ACTR3C: variants seen among roughly 807,000 people sequenced by gnomAD.
ACTR3C encodes the protein actin-related protein 3C.
A neutral mutation model predicts 26.3 loss-of-function variants in ACTR3C; 18 were observed. The observed-to-expected ratio is 0.68, with a 90% CI of 0.47 to 1.01. ACTR3C has a LOEUF of 1.01. ACTR3C is among the 50% of genes least tolerant of loss of function. ACTR3C has a pLI of 0.00. For synonymous variants in ACTR3C, 55 were observed against 94.5 expected (o/e 0.58, Z 2.42); for missense variants, 184 against 250.7 (o/e 0.73, Z 1.80).
At chr7:150,048,704 A>T in the ACTR3C span, among the ~76,000 whole-genome samples, 1 of 152,154 alleles carries the variant, frequency 6.6e-6, no homozygotes, top group Admixed American at 6.5e-5. Flanking sequence ...TTCTTGCCTA[A>T]CTTGAAGCAA....
chr7:150,223,790 T>C, the ACTR3C span, among the ~76,000 whole-genome samples: 2 of 152,248 alleles, frequency 1.3e-5, no homozygotes, highest in Non-Finnish European at 2.9e-5. Context: ...TCTGAGGATC[T>C]TGAATCCAGG....
At chr7:150,195,789 G>C in the ACTR3C span, among the ~76,000 whole-genome samples, 3 of 152,214 alleles carry the variant, frequency 2.0e-5, no homozygotes, top group Non-Finnish European at 2.9e-5. Flanking sequence ...TGAGGCAGGA[G>C]AATCACTTGA....
the ACTR3C span, among the ~76,000 whole-genome samples, chr7:150,171,828 CTTTT>C: frequency 6.7e-6 from 1 of 150,292 alleles, no homozygotes; most frequent in Admixed American, 6.6e-5. Context: ...TTCTTTCTTT[CTTTT>C]GAGATAGTCT....
the ACTR3C span, among the ~76,000 whole-genome samples, chr7:149,941,332 CA>C: frequency 6.6e-6 from 1 of 152,186 alleles, no homozygotes; most frequent in East Asian, 1.9e-4. Context: ...ACCATCAGAC[CA>C]ATTTCTCAGC....
intron 6 of ACTR3C, among the ~76,000 whole-genome samples, chr7:150,277,486 G>C (rs1834974133): frequency 6.6e-6 from 1 of 152,102 alleles, no homozygotes; most frequent in African/African-American, 2.4e-5. Context: ...TCCATTTGCA[G>C]ACCTTTCATT....
chr7:150,078,081 G>A, the ACTR3C span, among the ~76,000 whole-genome samples: 1 of 152,158 alleles, frequency 6.6e-6, no homozygotes, highest in Non-Finnish European at 1.5e-5. Flanking sequence ...CAGGAAGGGG[G>A]ACATGCATCT....
chr7:150,294,177 C>T (rs1395459440), intron 2 of ACTR3C, among the ~76,000 whole-genome samples: 2 of 152,068 alleles, frequency 1.3e-5, no homozygotes, highest in Non-Finnish European at 2.9e-5. Flanking sequence ...GAAAATGTTG[C>T]CCCAAAGGGA....
At chr7:150,180,102 A>G in the ACTR3C span, among the ~76,000 whole-genome samples, 16 of 151,002 alleles carry the variant, frequency 1.1e-4, 1 homozygote, top group South Asian at 2.1e-4. Context: ...TTAGGAGATC[A>G]AGATCATCCT....
At chr7:150,086,046 G>A in the ACTR3C span, among the ~76,000 whole-genome samples, 1,190 of 151,034 alleles carry the variant, frequency 7.9e-3, 15 homozygotes, top group African/African-American at 0.027. Flanking sequence ...GCAAAATCTC[G>A]GCTCACTACA....
At chr7:149,980,719 T>C in the ACTR3C span, among the ~76,000 whole-genome samples, 1 of 152,218 alleles carries the variant, frequency 6.6e-6, no homozygotes, top group South Asian at 2.1e-4. Flanking sequence ...CTAACCAAAG[T>C]GTGTATGTCT....
At chr7:150,108,327 A>G in the ACTR3C span, among the ~76,000 whole-genome samples, 4 of 151,002 alleles carry the variant, frequency 2.6e-5, no homozygotes, top group East Asian at 7.7e-4. Context: ...CAGGGATATT[A>G]ATAAAAATCA....
chr7:149,995,867 C>A, the ACTR3C span, among the ~76,000 whole-genome samples: 1 of 152,230 alleles, frequency 6.6e-6, no homozygotes, highest in Non-Finnish European at 1.5e-5. Context: ...GGGGTCTTGA[C>A]GAGGAAGGGA....
chr7:150,027,875 A>G, the ACTR3C span, among the ~76,000 whole-genome samples: 1 of 152,138 alleles, frequency 6.6e-6, no homozygotes, highest in African/African-American at 2.4e-5. Context: ...TAATTTGAAC[A>G]TTCTCGAAAA....
chr7:149,983,449 G>GTGTGTA, the ACTR3C span, among the ~76,000 whole-genome samples: 60 of 23,328 alleles, frequency 2.6e-3, 7 homozygotes, highest in South Asian at 0.11. Flanking sequence ...GTGTGTGTGT[G>GTGTGTA]TATATATATA....
At chr7:150,205,086 C>T in the ACTR3C span, among the ~76,000 whole-genome samples, 1 of 152,144 alleles carries the variant, frequency 6.6e-6, no homozygotes, top group African/African-American at 2.4e-5. Context: ...GTAAATGATA[C>T]TATTTGTGAT....
At chr7:149,901,816 A>AG in the ACTR3C span, among the ~76,000 whole-genome samples, 1 of 142,606 alleles carries the variant, frequency 7.0e-6, no homozygotes, top group African/African-American at 2.6e-5. Context: ...TGGGAGGCTG[A>AG]GGCAGAATTG....
At chr7:150,260,940 A>C (rs1833591728) in intron 6 of ACTR3C, among the ~76,000 whole-genome samples, 1 of 152,216 alleles carries the variant, frequency 6.6e-6, no homozygotes, top group East Asian at 1.9e-4. Context: ...AAGTTTATAA[A>C]TGCTAAAGGA....
chr7:150,039,474 C>T, the ACTR3C span, among the ~76,000 whole-genome samples: 1,157 of 29,996 alleles, frequency 0.039, 15 homozygotes, highest in Middle Eastern at 0.091. Flanking sequence ...CAGCCAGGGG[C>T]GGAAGAGGGG....
chr7:150,186,827 C>T, the ACTR3C span, among the ~76,000 whole-genome samples: 2 of 152,006 alleles, frequency 1.3e-5, no homozygotes, highest in Non-Finnish European at 2.9e-5. Flanking sequence ...GTTTGTGTAC[C>T]TGGCACCAAC....
Sources: gnomAD v4.1 joint callset for allele counts (sites outside exome capture counted in the v4.1 genomes callset) on GRCh38, gnomAD v4.1.1 for gene constraint, MANE v1.5 for transcripts, NCBI Gene and HGNC (gene_info 2026-07-23, HGNC 2026-07-21) for gene names.